Variants in FTO observed in about 807,000 individuals in gnomAD.
FTO encodes alpha-ketoglutarate-dependent dioxygenase FTO.
In FTO, 47 loss-of-function variants were observed where a neutral mutation model predicts 63.9. That is an observed-to-expected ratio of 0.74 (90% CI 0.58 to 0.94). FTO has a LOEUF of 0.94. Ranked by LOEUF, FTO falls within the 40% of genes least tolerant of loss-of-function variation. The pLI is 0.00. For missense variants in FTO, 562 were observed against 618.1 expected, an observed-to-expected ratio of 0.91 and a Z score of 0.96; for synonymous variants, 207 against 224.4, an observed-to-expected ratio of 0.92 and a Z score of 0.69.
intron 1 of FTO, among the ~76,000 whole-genome samples, chr16:53,709,463 T>C (rs1435178558): frequency 6.6e-6 from 1 of 152,140 alleles, no homozygotes; most frequent in African/African-American, 2.4e-5. Context: ...TCTCCAGTCA[T>C]TAATGAGGTT....
At chr16:53,821,187 T>TATTC (rs1414438953) in intron 2 of FTO, among the ~76,000 whole-genome samples, 1 of 152,182 alleles carries the variant, frequency 6.6e-6, no homozygotes, top group African/African-American at 2.4e-5. Flanking sequence ...TTATTTTCAG[T>TATTC]ATTCCTTTCT....
intron 1 of FTO, among the ~76,000 whole-genome samples, chr16:53,722,844 G>A (rs2076073230): frequency 6.6e-6 from 1 of 150,596 alleles, no homozygotes; most frequent in African/African-American, 2.4e-5. Context: ...AAAAAAAAAT[G>A]TTTTGTGTAA....
chr16:54,042,069 G>A (rs2085090265), intron 8 of FTO, among the ~76,000 whole-genome samples: 1 of 152,142 alleles, frequency 6.6e-6, no homozygotes, highest in African/African-American at 2.4e-5. Context: ...TTTGTCCAAT[G>A]GTATCAGGAA....
At position 53,877,021 on chromosome 16, in the gene FTO, C is replaced by T. The variant is rs188366405; in HGVS notation, c.976-2823C>T. On this transcript the variant is annotated intron_variant, in intron 5 of 8. Coordinates refer to ENST00000471389, the MANE Select transcript of FTO (RefSeq NM_001080432.3). ...ACTAGGGAAATACAAATCAAAACCA[C>T]GACGGGATAACATTTCACACTCACT... Among the ~76,000 whole-genome samples the T allele has an allele frequency of 2.4e-4, 37 of 152,254 alleles. No individual in the cohort carries two copies. The East Asian group carries it at 4.3e-3, about 17-fold the overall frequency.
At chr16:53,823,872 C>T (rs111882805) in intron 2 of FTO, among the ~76,000 whole-genome samples, 8,681 of 152,034 alleles carry the variant, frequency 0.057, 351 homozygotes, top group East Asian at 0.098. Flanking sequence ...GCAACAAGAG[C>T]GAAACGCCAT....
chr16:53,823,434 C>T (rs1427214628), intron 2 of FTO, among the ~76,000 whole-genome samples: 2 of 152,012 alleles, frequency 1.3e-5, no homozygotes, highest in Admixed American at 1.3e-4. Context: ...TGATCACTCC[C>T]ACATTGCGTT....
chr16:53,802,201 G>A (rs189360008), intron 1 of FTO, among the ~76,000 whole-genome samples: 38 of 152,158 alleles, frequency 2.5e-4, no homozygotes, highest in South Asian at 8.3e-4. Context: ...ATGGCATGTC[G>A]CATTTGCATA....
At chr16:53,935,150 A>G (rs2082360729) in intron 8 of FTO, among the ~76,000 whole-genome samples, 1 of 152,224 alleles carries the variant, frequency 6.6e-6, no homozygotes, top group Admixed American at 6.5e-5. Context: ...ATCCGTCTCT[A>G]AGCCAGAGGG....
rs28587952 is a variant in FTO at position 53,808,763 on chromosome 16, T to C, written c.46-1377T>C. Among the ~76,000 whole-genome samples the C allele has an allele frequency of 7.3e-3, 1,107 of 152,352 alleles. 14 individuals are homozygous for C. The highest frequency in any genetic ancestry group is 0.025 in the African/African-American group (1,042 of 41,586). On this transcript the variant is annotated intron_variant, in intron 1 of 8. Transcript: ENST00000471389. Reference sequence around the variant, plus strand: ...TTGTGTTTACCAAGCTATATTCTTATTGAGTGGGACTATATCGGCCCAGAG... The same window carrying C: ...TTGTGTTTACCAAGCTATATTCTTACTGAGTGGGACTATATCGGCCCAGAG...
intron 8 of FTO, among the ~76,000 whole-genome samples, chr16:54,042,133 TCTACAGCTCC>T (rs1242419043): frequency 1.3e-4 from 20 of 152,024 alleles, no homozygotes; most frequent in African/African-American, 4.8e-4. Flanking sequence ...ACAGCTCCGG[TCTACAGCTCC>T]CAGCGTGAGT....
At chr16:53,859,387 C>T (rs913748736) in intron 4 of FTO, among the ~76,000 whole-genome samples, 3 of 151,890 alleles carry the variant, frequency 2.0e-5, no homozygotes, top group Admixed American at 6.6e-5. Flanking sequence ...AGGATGTTCT[C>T]TCCAAATATG....
rs143219502 is a variant in FTO, at chr16:53,762,594, G to A, written c.46-47546G>A. ...AGAGCATGCGAGGGTGGGGAGGAGAGTGTGGGTTTTTATCCTTTTGGGTTG... is the reference window on the plus strand; with the variant it reads ...AGAGCATGCGAGGGTGGGGAGGAGAATGTGGGTTTTTATCCTTTTGGGTTG... On this transcript the variant is annotated intron_variant, in intron 1 of 8. Coordinates refer to ENST00000471389, the MANE Select transcript of FTO (RefSeq NM_001080432.3). Among the ~76,000 whole-genome samples, 734 of 152,248 alleles carry A rather than the reference G, an allele frequency of 4.8e-3. 7 individuals carry two copies. Among genetic ancestry groups the A allele is most frequent in the Non-Finnish European group, 6.4e-3 (437 of 68,024 alleles).
At chr16:53,871,768 C>T (rs2080504400) in intron 4 of FTO, among the ~76,000 whole-genome samples, 1 of 151,560 alleles carries the variant, frequency 6.6e-6, no homozygotes, top group African/African-American at 2.4e-5. Flanking sequence ...CTCTCGTTTC[C>T]CAGGCTGCAG....
At chr16:54,029,621 G>A (rs2084786425) in intron 8 of FTO, among the ~76,000 whole-genome samples, 1 of 152,134 alleles carries the variant, frequency 6.6e-6, no homozygotes, top group African/African-American at 2.4e-5. Flanking sequence ...TAAAAAATAA[G>A]AGGTGTATGT....
chr16:53,803,275 A>G (rs1287310510), intron 1 of FTO, among the ~76,000 whole-genome samples: 1 of 152,226 alleles, frequency 6.6e-6, no homozygotes, highest in African/African-American at 2.4e-5. Context: ...GTCTAGGGCT[A>G]TCGCACCACT....
At chr16:54,005,382 T>G (rs1375567388) in intron 8 of FTO, among the ~76,000 whole-genome samples, 1 of 148,034 alleles carries the variant, frequency 6.8e-6, no homozygotes, top group Non-Finnish European at 1.5e-5. Context: ...AATACATATA[T>G]AAATATATTT....
intron 2 of FTO, among the ~76,000 whole-genome samples, chr16:53,823,893 C>A (rs796209879): frequency 4.6e-5 from 7 of 152,130 alleles, no homozygotes; most frequent in African/African-American, 1.4e-4. Context: ...CTCAAAAAAA[C>A]CCAAAAAACC....
At chr16:53,888,639 A>G (rs1411202948) in intron 6 of FTO, among the ~76,000 whole-genome samples, 193 bp from the exon 7 acceptor site, 2 of 151,858 alleles carry the variant, frequency 1.3e-5, no homozygotes, top group African/African-American at 4.8e-5. Context: ...TTTTAAGACT[A>G]CTCTTTTCTT....
chr16:54,079,312 G>A (rs1192756159), intron 8 of FTO, among the ~76,000 whole-genome samples: 1 of 152,144 alleles, frequency 6.6e-6, no homozygotes, highest in Non-Finnish European at 1.5e-5. Flanking sequence ...CAAGAATGAA[G>A]CTTGATTCTG....
Sources: gnomAD v4.1 joint callset for allele counts (sites outside exome capture counted in the v4.1 genomes callset) on GRCh38, gnomAD v4.1.1 for gene constraint, MANE v1.5 for transcripts, NCBI Gene and HGNC (gene_info 2026-07-23, HGNC 2026-07-21) for gene names.